BCAS3: variants seen among roughly 807,000 people sequenced by gnomAD.
BCAS3 encodes BCAS4/BCAS3 fusion.
BCAS3 carries 53 observed loss-of-function variants against 116.1 expected under a neutral mutation model. The observed-to-expected ratio is 0.46, with a 90% CI of 0.37 to 0.57. The LOEUF (loss-of-function observed/expected upper bound fraction) is 0.57. Ranked by LOEUF, BCAS3 falls within the 20% of genes least tolerant of loss-of-function variation. BCAS3 has a pLI of 0.00. For missense variants in BCAS3, 917 were observed against 1,165.4 expected (o/e 0.79, Z 3.10); for synonymous variants, 391 against 408.2 (o/e 0.96, Z 0.51).
In BCAS3 at chr17:61,300,361, A is replaced by G. The variant is rs1178525599; in HGVS notation, c.2426-67966A>G. 1.3e-5 allele frequency among the ~76,000 whole-genome samples: 2 copies of G among 152,108 alleles called. No individual in the cohort carries two copies. The highest frequency in any genetic ancestry group is 3.9e-4 in the East Asian group (2 of 5,180). On this transcript the variant is annotated intron_variant, in intron 22 of 23. Transcript: ENST00000407086. The surrounding 1 kb of genome is among the most constrained non-coding windows in gnomAD (Gnocchi z 5.1). ...CTTTAACTCCTCGCCTGCCCCTTCA[A>G]CTTCAGTTTTCTAAAGAGAAAACTT...
In BCAS3 at chr17:61,171,797, A is replaced by T. The variant is rs999884471; in HGVS notation, c.2425+87233A>T. Among the ~76,000 whole-genome samples the T allele has an allele frequency of 6.6e-6, 1 of 151,068 alleles. No homozygotes were observed. Among genetic ancestry groups the T allele is most frequent in the Non-Finnish European group, 1.5e-5 (1 of 67,942 alleles). On this transcript the variant is annotated intron_variant, in intron 22 of 23. Coordinates refer to ENST00000407086, the MANE Select transcript of BCAS3 (RefSeq NM_017679.5). This position sits in a 1 kb window ranked among gnomAD's most constrained non-coding sequence, Gnocchi z 4.1. ...CACCATGCCCTGCTAATTAAAAAAA[A>T]ATTTTTTTTTTTTTTTGTAGAAATG...
intron 22 of BCAS3, among the ~76,000 whole-genome samples, chr17:61,252,651 G>T (rs2048456355): frequency 6.6e-6 from 1 of 151,708 alleles, no homozygotes; most frequent in Non-Finnish European, 1.5e-5. Context: ...GGTTCCTCAT[G>T]TAGAGTGGCA....
At chr17:60,751,183 C>A (rs2042422311) in intron 6 of BCAS3, among the ~76,000 whole-genome samples, 1 of 152,112 alleles carries the variant, frequency 6.6e-6, no homozygotes, top group Non-Finnish European at 1.5e-5. Context: ...TTACTCATGT[C>A]AACACAGCTT....
intron 5 of BCAS3, among the ~76,000 whole-genome samples, chr17:60,725,167 A>G (rs573884307): frequency 3.3e-5 from 5 of 152,244 alleles, no homozygotes; most frequent in African/African-American, 9.6e-5. Context: ...ATTCAGCACC[A>G]TTTCCTGAAA....
At chr17:60,898,353 G>A (rs370168822) in intron 10 of BCAS3, among the ~76,000 whole-genome samples, 8 of 152,132 alleles carry the variant, frequency 5.3e-5, no homozygotes, top group Admixed American at 1.3e-4. Context: ...ATTTACTTTC[G>A]TAGAGGACTT....
chr17:60,850,239 C>A (rs78732806), intron 7 of BCAS3, among the ~76,000 whole-genome samples: 4,578 of 151,484 alleles, frequency 0.03, 175 homozygotes, highest in East Asian at 0.092. Context: ...GTATGATGCT[C>A]TGTACCCACT....
At chr17:60,878,257 G>A (rs9902531) in intron 9 of BCAS3, among the ~76,000 whole-genome samples, 25,854 of 151,942 alleles carry the variant, frequency 0.17, 2,795 homozygotes, top group African/African-American at 0.31. Context: ...TGATCTGCCC[G>A]CCTTGGCCTT....
At chr17:60,759,686 A>C (rs780614277) in intron 6 of BCAS3, among the ~76,000 whole-genome samples, 5 of 147,914 alleles carry the variant, frequency 3.4e-5, no homozygotes, top group Non-Finnish European at 5.9e-5. Context: ...ATTTTTACAG[A>C]TAAGGTCTCA....
chr17:61,178,918 A>T (rs546775789), intron 22 of BCAS3, among the ~76,000 whole-genome samples: 1 of 152,274 alleles, frequency 6.6e-6, no homozygotes, highest in Admixed American at 6.5e-5. Context: ...TTTATTACAG[A>T]AGTTCTGTAA....
rs551100065 is a variant in BCAS3, at chr17:61,077,464, C to T, written c.2131-869C>T. Among the ~76,000 whole-genome samples the T allele has an allele frequency of 1.2e-3, 176 of 152,062 alleles. 7 individuals are homozygous for T. In the South Asian group the frequency reaches 0.035, roughly 30 times the overall value. On this transcript the variant is annotated intron_variant, in intron 20 of 23. Transcript: ENST00000407086. This position sits in a 1 kb window ranked among gnomAD's most constrained non-coding sequence, Gnocchi z 4.3. ...CCCAGGAGGCGGAGCTTGCAGTGAG[C>T]GGAGATCACGCCACTGCACTCCAGT...
chr17:61,152,717 TAA>T (rs111771842), intron 22 of BCAS3, among the ~76,000 whole-genome samples: 1 of 146,294 alleles, frequency 6.8e-6, no homozygotes, highest in African/African-American at 2.5e-5. Context: ...GGTTAACTTC[TAA>T]AAAAAAAAAT....
At position 61,220,167 on chromosome 17, in the gene BCAS3, G is replaced by C. The variant is rs543880607; in HGVS notation, c.2425+135603G>C. The stretch of plus-strand genomic sequence containing the variant: ...AAATTAGCCAGGCGTGGTGGCAGGC[G>C]CCTCTAATCCCAGCTACTCAGGAGG... On this transcript the variant is annotated intron_variant, in intron 22 of 23. Coordinates refer to ENST00000407086, the MANE Select transcript of BCAS3 (RefSeq NM_017679.5). The surrounding 1 kb of genome is among the most constrained non-coding windows in gnomAD (Gnocchi z 4.5). Among the ~76,000 whole-genome samples the C allele has an allele frequency of 6.6e-6, 1 of 152,084 alleles. No individual in the cohort carries two copies. The highest frequency in any genetic ancestry group is 1.5e-5 in the Non-Finnish European group (1 of 68,022).
chr17:60,889,582 G>A (rs541795552), intron 9 of BCAS3, 113 bp from the exon 10 acceptor site: 85 of 842,770 alleles, frequency 1.0e-4, no homozygotes, highest in Middle Eastern at 3.6e-4. Flanking sequence ...TTTTATGTGA[G>A]ACTTGAAAAA....
chr17:60,850,943 A>C (rs1005087802), intron 7 of BCAS3, among the ~76,000 whole-genome samples: 1 of 152,226 alleles, frequency 6.6e-6, no homozygotes, highest in Non-Finnish European at 1.5e-5. Context: ...TATTTTGTGG[A>C]TATGTACTAA....
At chr17:61,242,750 A>G (rs1325627799) in intron 22 of BCAS3, among the ~76,000 whole-genome samples, 1 of 152,158 alleles carries the variant, frequency 6.6e-6, no homozygotes, top group African/African-American at 2.4e-5. Context: ...GAATTGAAGT[A>G]ATAGTGATCA....
intron 15 of BCAS3, among the ~76,000 whole-genome samples, chr17:61,014,632 AG>A (rs1233944522): frequency 6.6e-6 from 1 of 151,986 alleles, no homozygotes; most frequent in Non-Finnish European, 1.5e-5. Context: ...TGGAAGTTCT[AG>A]GTAGGTCAGT....
At chr17:60,761,416 A>G (rs920894202) in intron 6 of BCAS3, among the ~76,000 whole-genome samples, 4 of 129,970 alleles carry the variant, frequency 3.1e-5, no homozygotes, top group African/African-American at 4.8e-5. Context: ...CCTGTGTCCA[A>G]GTGTTCTCAT....
At chr17:61,048,862 A>C (rs761168786) in intron 19 of BCAS3, among the ~76,000 whole-genome samples, 4 of 152,014 alleles carry the variant, frequency 2.6e-5, no homozygotes, top group Non-Finnish European at 5.9e-5. Context: ...ATGGTCACAC[A>C]GAGTCAGGAC....
rs2078844495 is a variant in BCAS3, at chr17:61,171,623, A to T, written c.2425+87059A>T. 1.3e-5 allele frequency among the ~76,000 whole-genome samples: 2 copies of T among 152,048 alleles called. No homozygotes were observed. Among genetic ancestry groups the T allele is most frequent in the Admixed American group, 1.3e-4 (2 of 15,274 alleles). ...AATAATGATATATTATGCTAATACT[A>T]ATTTTATTTTATTTTTTTTTTGAAA... On this transcript the variant is annotated intron_variant, in intron 22 of 23. Transcript: ENST00000407086. This position sits in a 1 kb window ranked among gnomAD's most constrained non-coding sequence, Gnocchi z 4.1.
Sources: gnomAD v4.1 joint callset for allele counts (sites outside exome capture counted in the v4.1 genomes callset) on GRCh38, gnomAD v4.1.1 for gene constraint, Gnocchi (gnomAD v3.1) non-coding constraint, MANE v1.5 for transcripts, NCBI Gene and HGNC (gene_info 2026-07-23, HGNC 2026-07-21) for gene names.